The following DYNC2I1 variants were observed in gnomAD, a reference collection of about 807,000 sequenced individuals.
DYNC2I1 encodes the protein dynein 2 intermediate chain 1.
In DYNC2I1, 89 loss-of-function variants were observed where a neutral mutation model predicts 133.4. The observed-to-expected ratio is 0.67, with a 90% CI of 0.56 to 0.80. DYNC2I1 has a LOEUF of 0.80. DYNC2I1 is among the 30% of genes least tolerant of loss of function. The pLI, the probability that DYNC2I1 is intolerant of heterozygous loss-of-function variation, is 0.00. For synonymous variants in DYNC2I1, 504 were observed against 484.3 expected, an observed-to-expected ratio of 1.04 and a Z score of -0.54; for missense variants, 1,291 against 1,314.5, an observed-to-expected ratio of 0.98 and a Z score of 0.28.
intron 15 of DYNC2I1, among the ~76,000 whole-genome samples, chr7:158,919,813 T>C (rs922426468): frequency 6.6e-6 from 1 of 152,244 alleles, no homozygotes; most frequent in Admixed American, 6.5e-5. Flanking sequence ...TGTACCTGTA[T>C]CATTCAACAC....
chr7:158,897,645 T>C (rs749835000), intron 8 of DYNC2I1, among the ~76,000 whole-genome samples: 1 of 152,194 alleles, frequency 6.6e-6, no homozygotes, highest in Non-Finnish European at 1.5e-5. Flanking sequence ...TTTCCTTAGT[T>C]AGCTTGGCCT....
downstream of DYNC2I1, among the ~76,000 whole-genome samples, chr7:158,947,306 C>T (rs891358668): frequency 7.2e-5 from 11 of 152,222 alleles, no homozygotes; most frequent in Non-Finnish European, 4.4e-5. Flanking sequence ...ACCCACTCAC[C>T]GTCCTTGCTG....
downstream of DYNC2I1, among the ~76,000 whole-genome samples, chr7:158,949,793 C>G (rs1334230397): frequency 6.7e-6 from 1 of 148,368 alleles, no homozygotes; most frequent in Non-Finnish European, 1.5e-5. Flanking sequence ...TTTTTTCAGA[C>G]GGAGTTTCGC....
chr7:158,915,984 A>G (rs1848195701), intron 14 of DYNC2I1, among the ~76,000 whole-genome samples: 1 of 127,196 alleles, frequency 7.9e-6, no homozygotes. Context: ...ATGATTGTGA[A>G]ACGTCGACAC....
chr7:158,924,745 A>G (rs968997339), intron 17 of DYNC2I1, among the ~76,000 whole-genome samples: 1 of 152,062 alleles, frequency 6.6e-6, no homozygotes, highest in African/African-American at 2.4e-5. Flanking sequence ...AAATTATTCC[A>G]TTAAAATACA....
At chr7:158,887,305 G>T (rs563133757) in intron 7 of DYNC2I1, among the ~76,000 whole-genome samples, 1 of 152,340 alleles carries the variant, frequency 6.6e-6, no homozygotes, top group South Asian at 2.1e-4. Flanking sequence ...CAGCAGCTAT[G>T]AGAGGGCTGG....
intron 1 of DYNC2I1, among the ~76,000 whole-genome samples, chr7:158,857,036 C>G (rs1841325876): frequency 1.3e-5 from 2 of 152,080 alleles, no homozygotes; most frequent in African/African-American, 4.8e-5. Flanking sequence ...CGCGCCCGGC[C>G]TGGAGGCGGC....
chr7:158,889,210 A>T (rs957950158), intron 7 of DYNC2I1, among the ~76,000 whole-genome samples: 6 of 151,410 alleles, frequency 4.0e-5, no homozygotes, highest in African/African-American at 1.5e-4. Context: ...CCTCCTGAGT[A>T]GCTGGGACTA....
chr7:158,918,669 G>T, intron 14 of DYNC2I1, 71 bp from the exon 15 acceptor site: 1 of 1,573,748 alleles, frequency 6.4e-7, no homozygotes, highest in Admixed American at 1.7e-5. Context: ...AAGATGAAAA[G>T]GTAATTTTTT....
intron 8 of DYNC2I1, among the ~76,000 whole-genome samples, chr7:158,895,124 C>G (rs1845643688): frequency 6.6e-6 from 1 of 152,144 alleles, no homozygotes; most frequent in African/African-American, 2.4e-5. Flanking sequence ...GACATTGTCT[C>G]TTACAGAACA....
At chr7:158,867,752 C>T (rs1482610257) in intron 1 of DYNC2I1, among the ~76,000 whole-genome samples, 1 of 152,048 alleles carries the variant, frequency 6.6e-6, no homozygotes, top group Non-Finnish European at 1.5e-5. Context: ...CCTGGGCCTC[C>T]CCGGGAGTGC....
At chr7:158,913,624 A>G (rs1167677543) in intron 13 of DYNC2I1, among the ~76,000 whole-genome samples, 1 of 152,094 alleles carries the variant, frequency 6.6e-6, no homozygotes, top group Non-Finnish European at 1.5e-5. Context: ...GATGTATATT[A>G]CTCCCTTTTC....
At chr7:158,865,704 G>A (rs993943897) in intron 1 of DYNC2I1, among the ~76,000 whole-genome samples, 1 of 152,166 alleles carries the variant, frequency 6.6e-6, no homozygotes, top group Non-Finnish European at 1.5e-5. Context: ...TTTGCCCTTT[G>A]GTTCCATACT....
rs1047818828 is a variant in DYNC2I1, at chr7:158,871,530, T to C, written c.458T>C (p.Leu153Pro). The part of the protein sequence containing the change: ...LLGQETRDRQ[L>P]LERAERKGRS... Reference sequence around the variant, plus strand: ...GGCCAGGAGACACGCGACCGGCAGCTCCTGGAGCGGGCGGAGAGGAAAGGC... The same window carrying C: ...GGCCAGGAGACACGCGACCGGCAGCCCCTGGAGCGGGCGGAGAGGAAAGGC... Residue 153 changes from leucine (L) to proline (P), a missense_variant, in exon 3 of 25, where the codon CTC becomes CCC. Coordinates refer to ENST00000407559, the MANE Select transcript of DYNC2I1 (RefSeq NM_018051.5). The C allele has an allele frequency of 1.9e-6, 3 of 1,543,442 alleles. No homozygotes were observed. The highest frequency in any genetic ancestry group is 8.7e-7 in the Non-Finnish European group (1 of 1,146,554).
chr7:158,901,659 A>G, intron 8 of DYNC2I1, 80 bp from the exon 9 acceptor site: 2 of 887,740 alleles, frequency 2.3e-6, no homozygotes, highest in East Asian at 2.7e-5. Flanking sequence ...GTCAGAAAAC[A>G]TATATGTTTT....
At chr7:158,863,785 CG>C (rs1284240223) in intron 1 of DYNC2I1, among the ~76,000 whole-genome samples, 5 of 5,782 alleles carry the variant, frequency 8.6e-4, no homozygotes, top group Non-Finnish European at 9.7e-4. Context: ...GGTGTGGGGG[CG>C]GGGGGGAGCG....
intron 1 of DYNC2I1, among the ~76,000 whole-genome samples, chr7:158,858,418 G>C (rs547286113): frequency 9.2e-5 from 14 of 152,178 alleles, no homozygotes; most frequent in African/African-American, 3.4e-4. Flanking sequence ...CTGGTGTCAG[G>C]GTCAAAGGGG....
At chr7:158,954,250 G>A (rs989656060) in intron 4 of DYNC2I1, among the ~76,000 whole-genome samples, 9 of 152,106 alleles carry the variant, frequency 5.9e-5, no homozygotes, top group East Asian at 1.9e-4. Context: ...GAATTACCCC[G>A]TCTCCAGTAT....
chr7:158,857,539 TG>T (rs66629570), intron 1 of DYNC2I1, among the ~76,000 whole-genome samples: 13,083 of 123,684 alleles, frequency 0.11, 1,360 homozygotes, highest in East Asian at 0.42. Context: ...CTTAGGTTTT[TG>T]TTTTTTTTTT....
Sources: allele counts gnomAD v4.1 joint callset (sites outside exome capture counted in the v4.1 genomes callset), GRCh38; gene constraint gnomAD v4.1.1; transcripts MANE v1.5; gene names NCBI Gene and HGNC (gene_info 2026-07-23, HGNC 2026-07-21).